Variants in ATRNL1 observed in about 807,000 individuals in gnomAD.
ATRNL1 encodes the protein attractin-like protein 1.
A neutral mutation model predicts 182.7 loss-of-function variants in ATRNL1; 95 were observed. The observed-to-expected ratio is 0.52, with a 90% confidence interval of 0.44 to 0.62. The LOEUF (loss-of-function observed/expected upper bound fraction) is 0.62, where lower values mean the gene tolerates loss of function less well. Among genes scored for constraint, ATRNL1 ranks in the 20% least tolerant of loss-of-function variants. The pLI, the probability that ATRNL1 is intolerant of heterozygous loss-of-function variation, is 0.00. For missense variants in ATRNL1, 1,471 were observed against 1,679.5 expected (o/e 0.88, Z 2.17); for synonymous variants, 576 against 568.3 (o/e 1.01, Z -0.19).
At chr10:115,797,692 GT>G (rs1555083327) in intron 27 of ATRNL1, among the ~76,000 whole-genome samples, 1 of 152,150 alleles carries the variant, frequency 6.6e-6, no homozygotes. Context: ...GGAAAGTGGG[GT>G]TTGGAGTACT....
chr10:115,673,830 T>C (rs1945776788), intron 26 of ATRNL1, among the ~76,000 whole-genome samples: 1 of 152,108 alleles, frequency 6.6e-6, no homozygotes, highest in African/African-American at 2.4e-5. Context: ...AGAATTCATG[T>C]GTGTTCCTTC....
intron 18 of ATRNL1, among the ~76,000 whole-genome samples, chr10:115,317,770 G>C (rs112080820): frequency 1.4e-4 from 21 of 152,280 alleles, no homozygotes; most frequent in African/African-American, 4.8e-4. Context: ...TGCTGAAGTT[G>C]ATTATCAGTT....
At chr10:115,206,197 C>G (rs1440505763) in intron 8 of ATRNL1, among the ~76,000 whole-genome samples, 1 of 151,926 alleles carries the variant, frequency 6.6e-6, no homozygotes, top group East Asian at 1.9e-4. Flanking sequence ...ATTGTTGTTC[C>G]CTTATATAAT....
At chr10:115,505,255 G>A (rs1554981026) in intron 24 of ATRNL1, among the ~76,000 whole-genome samples, 1 of 145,216 alleles carries the variant, frequency 6.9e-6, no homozygotes. Flanking sequence ...TCTCCAAAAA[G>A]GGAGAATAAT....
intron 27 of ATRNL1, among the ~76,000 whole-genome samples, chr10:115,778,576 T>C (rs1241582730): frequency 6.6e-6 from 1 of 152,160 alleles, no homozygotes; most frequent in Non-Finnish European, 1.5e-5. Context: ...ATGCATGACA[T>C]CGAATATGTG....
chr10:115,652,257 C>T (rs1379127765), intron 26 of ATRNL1, among the ~76,000 whole-genome samples: 1 of 151,638 alleles, frequency 6.6e-6, no homozygotes, highest in Non-Finnish European at 1.5e-5. Context: ...ATTATACTGA[C>T]ACAGTCTAAG....
At chr10:115,730,639 G>T (rs898506332) in intron 27 of ATRNL1, among the ~76,000 whole-genome samples, 2 of 151,968 alleles carry the variant, frequency 1.3e-5, no homozygotes, top group African/African-American at 4.8e-5. Context: ...ATCGGCAGTT[G>T]AGGCGGGAAG....
At chr10:115,322,628 G>C (rs1335365864) in intron 18 of ATRNL1, among the ~76,000 whole-genome samples, 1 of 152,058 alleles carries the variant, frequency 6.6e-6, no homozygotes, top group Non-Finnish European at 1.5e-5. Context: ...ACTACCGTCT[G>C]GGTCACTTGC....
At chr10:115,659,390 G>A (rs571320447) in intron 26 of ATRNL1, among the ~76,000 whole-genome samples, 1 of 152,058 alleles carries the variant, frequency 6.6e-6, no homozygotes, top group African/African-American at 2.4e-5. Context: ...CCATGACATT[G>A]TGCATATAGC....
intron 17 of ATRNL1, among the ~76,000 whole-genome samples, chr10:115,314,387 T>A (rs1420669164): frequency 6.6e-6 from 1 of 152,166 alleles, no homozygotes; most frequent in African/African-American, 2.4e-5. Context: ...TGTGCCATTG[T>A]TTGTAGTTTT....
chr10:115,261,749 C>G (rs1393250090), intron 10 of ATRNL1, among the ~76,000 whole-genome samples: 38 of 152,010 alleles, frequency 2.5e-4, no homozygotes. Context: ...TGAACATTAG[C>G]TGAGTGTGGT....
intron 19 of ATRNL1, among the ~76,000 whole-genome samples, chr10:115,353,827 A>C (rs1592507077): frequency 1.3e-5 from 2 of 152,216 alleles, no homozygotes; most frequent in African/African-American, 4.8e-5. Flanking sequence ...AAGAGGGAAC[A>C]AAAGGAAAAC....
chr10:115,726,682 G>A (rs566099102), intron 26 of ATRNL1, among the ~76,000 whole-genome samples: 1 of 152,312 alleles, frequency 6.6e-6, no homozygotes, highest in South Asian at 2.1e-4. Flanking sequence ...ATGATAAACA[G>A]AGGCTTTGAA....
rs1953846110 is a variant in ATRNL1 at position 115,945,085 on chromosome 10, A to G, written c.*306A>G. 1 of 190,632 alleles carries G rather than the reference A, an allele frequency of 5.2e-6. No homozygotes were observed. Among genetic ancestry groups the G allele is most frequent in the Admixed American group, 6.0e-5 (1 of 16,582 alleles). The allele number at this position is 190,632 out of a possible 1,614,324, so 11.8% of individuals were successfully genotyped here. On this transcript the variant is annotated 3_prime_UTR_variant, in exon 29 of 29. Transcript: ENST00000355044. ...TGAAGATGAAAAATATGTAATTCAT[A>G]TAAATCAACTGTTTATATCCCAAGA...
At chr10:115,259,775 A>G (rs965527337) in intron 10 of ATRNL1, among the ~76,000 whole-genome samples, 2 of 151,766 alleles carry the variant, frequency 1.3e-5, no homozygotes, top group Admixed American at 6.6e-5. Flanking sequence ...TTTTTTTGTC[A>G]TTATTTAGGG....
chr10:115,837,740 C>T (rs1019157039), intron 27 of ATRNL1, among the ~76,000 whole-genome samples: 3 of 152,096 alleles, frequency 2.0e-5, no homozygotes, highest in Non-Finnish European at 2.9e-5. Context: ...CTAGAATACT[C>T]GTGCCATACT....
intron 27 of ATRNL1, among the ~76,000 whole-genome samples, chr10:115,773,831 A>G: frequency 6.6e-6 from 1 of 152,044 alleles, no homozygotes; most frequent in East Asian, 1.9e-4. Context: ...TTCAAACCCA[A>G]ATTCTTTTTG....
intron 21 of ATRNL1, among the ~76,000 whole-genome samples, chr10:115,435,261 C>T (rs570806335): frequency 1.3e-5 from 2 of 152,052 alleles, no homozygotes; most frequent in South Asian, 2.1e-4. Context: ...CCTCATGATC[C>T]GCCCTTCTCG....
intron 28 of ATRNL1, among the ~76,000 whole-genome samples, chr10:115,934,255 C>T (rs942974401): frequency 1.1e-4 from 17 of 152,146 alleles, no homozygotes; most frequent in African/African-American, 3.6e-4. Flanking sequence ...AAACAAACTT[C>T]GATTTTGTTA....
Sources: allele counts gnomAD v4.1 joint callset (sites outside exome capture counted in the v4.1 genomes callset), GRCh38; gene constraint gnomAD v4.1.1; transcripts MANE v1.5; gene names NCBI Gene and HGNC (gene_info 2026-07-23, HGNC 2026-07-21).